Variants in PRORP observed in about 807,000 individuals in gnomAD.
The protein encoded by PRORP is mitochondrial ribonuclease P catalytic subunit.
Under a neutral mutation model 59.4 loss-of-function variants are expected in PRORP, and 51 were observed. The ratio of observed to expected loss-of-function variants is 0.86; its 90% CI spans 0.69 to 1.08. PRORP has a LOEUF of 1.08. PRORP is among the 50% of genes least tolerant of loss of function. The probability of loss-of-function intolerance (pLI) is 0.00; values close to 1 mark genes in which losing one functional copy is unlikely to be tolerated. For missense variants in PRORP, 646 were observed against 690.3 expected (o/e 0.94, Z 0.72); for synonymous variants, 231 against 245.6 (o/e 0.94, Z 0.55).
chr14:35,260,003 T>TTG (rs2050861909), intron 5 of PRORP, among the ~76,000 whole-genome samples: 1 of 145,556 alleles, frequency 6.9e-6, no homozygotes, highest in African/African-American at 2.5e-5. Flanking sequence ...GTTTTTTTTT[T>TTG]TTTTTTTTTT....
chr14:35,180,057 T>C (rs997267169), intron 4 of PRORP, among the ~76,000 whole-genome samples: 4 of 152,226 alleles, frequency 2.6e-5, no homozygotes, highest in Non-Finnish European at 5.9e-5. Flanking sequence ...CGAATATTGC[T>C]GAACAGCAAA....
chr14:35,206,492 G>A (rs2049298530), intron 5 of PRORP, among the ~76,000 whole-genome samples: 1 of 152,196 alleles, frequency 6.6e-6, no homozygotes, highest in Non-Finnish European at 1.5e-5. Context: ...GGTCTACTCT[G>A]TTCAAACCCA....
chr14:35,247,792 A>G (rs1160933958), intron 5 of PRORP, among the ~76,000 whole-genome samples: 5 of 152,146 alleles, frequency 3.3e-5, no homozygotes, highest in African/African-American at 9.7e-5. Context: ...CTTGCCTTAC[A>G]GGATAGGGAG....
chr14:35,235,376 G>A (rs762732746), intron 5 of PRORP: 354 of 701,592 alleles, frequency 5.0e-4, no homozygotes, highest in Non-Finnish European at 8.8e-4. Flanking sequence ...GTTGACAGTG[G>A]TGCAGGTCTT....
chr14:35,196,731 T>C (rs2049018793), intron 5 of PRORP, among the ~76,000 whole-genome samples: 1 of 152,132 alleles, frequency 6.6e-6, no homozygotes, highest in Admixed American at 6.5e-5. Context: ...TTGCCCTAGG[T>C]CAAACAGTGC....
chr14:35,171,898 C>T (rs2048320043), intron 4 of PRORP, among the ~76,000 whole-genome samples: 1 of 152,024 alleles, frequency 6.6e-6, no homozygotes, highest in African/African-American at 2.4e-5. Flanking sequence ...CTTTCTTCTG[C>T]CATCTCCAAT....
intron 4 of PRORP, among the ~76,000 whole-genome samples, chr14:35,142,670 GT>G (rs2047510189): frequency 1.4e-5 from 2 of 144,062 alleles, no homozygotes; most frequent in East Asian, 2.4e-4. Flanking sequence ...GGCAAAACCC[GT>G]TCTCTAATAA....
chr14:35,248,669 C>T (rs2050542061), intron 5 of PRORP, among the ~76,000 whole-genome samples: 1 of 152,244 alleles, frequency 6.6e-6, no homozygotes, highest in Non-Finnish European at 1.5e-5. Flanking sequence ...CCTCAAGCCA[C>T]AACTTTGTTA....
chr14:35,216,019 G>A (rs944360351), intron 5 of PRORP, among the ~76,000 whole-genome samples: 3 of 146,696 alleles, frequency 2.0e-5, no homozygotes, highest in Non-Finnish European at 3.0e-5. Context: ...CACCTGCCTC[G>A]GCCTCCCAAA....
chr14:35,262,951 C>T lies in PRORP; in HGVS notation c.1276-3776C>T, dbSNP rs1165640457. 1.8e-5 allele frequency: 28 copies of T among 1,597,720 alleles called. 1 individual carries two copies. The highest frequency in any genetic ancestry group is 6.7e-5 in the East Asian group (3 of 44,848). ...TTAGAGGCTTTGATTCAGCAAGCCA[C>T]GACAGTTAAAAACAAGGATATCAGG... On this transcript the variant is annotated intron_variant, in intron 5 of 7. Coordinates refer to ENST00000534898, the MANE Select transcript of PRORP (RefSeq NM_014672.4).
At chr14:35,149,511 CA>C (rs545177409) in intron 4 of PRORP, among the ~76,000 whole-genome samples, 42 of 152,294 alleles carry the variant, frequency 2.8e-4, no homozygotes, top group African/African-American at 1.0e-3. Context: ...CCATGACTGG[CA>C]CCTTGCATTT....
chr14:35,247,698 A>G lies in PRORP; in HGVS notation c.1276-19029A>G, dbSNP rs574426918. Among the ~76,000 whole-genome samples the G allele has an allele frequency of 5.3e-5, 8 of 152,306 alleles. No individual in the cohort carries two copies. In the East Asian group the frequency reaches 1.5e-3, roughly 29 times the overall value. On this transcript the variant is annotated intron_variant, in intron 5 of 7. Transcript: ENST00000534898. ...TAAACCTTTTGAGAGTGGAAATTTA[A>G]TCAAATTTTGATATTTCCATATCAA...
At chr14:35,229,585 C>T (rs556603209) in intron 5 of PRORP, among the ~76,000 whole-genome samples, 58 of 152,258 alleles carry the variant, frequency 3.8e-4, no homozygotes, top group African/African-American at 1.4e-3. Context: ...TTTAAAAGGG[C>T]ATGAAGATGT....
rs773092290 is a variant in PRORP at position 35,123,489 on chromosome 14, C to G, written c.244C>G (p.Pro82Ala). Residue 82 changes from proline to alanine, a missense_variant, in exon 2 of 8, where the codon CCT (proline) becomes GCT (alanine). Coordinates refer to ENST00000534898, the MANE Select transcript of PRORP (RefSeq NM_014672.4). ...EGSNKQVYSV[P>A]HFFLAGAAKE... ...CAGTAATAAGCAAGTTTATTCTGTT[C>G]CTCATTTTTTTTTAGCTGGAGCAGC... 1.2e-6 allele frequency: 2 copies of G among 1,614,122 alleles called. No homozygotes were observed. The highest frequency in any genetic ancestry group is 1.7e-5 in the Admixed American group (1 of 60,016).
chr14:35,251,494 GA>G (rs1193622828), intron 5 of PRORP, among the ~76,000 whole-genome samples: 1 of 151,988 alleles, frequency 6.6e-6, no homozygotes, highest in Non-Finnish European at 1.5e-5. Flanking sequence ...GAAAATTATC[GA>G]AGATAATTTC....
At chr14:35,183,812 T>C (rs1011415526) in intron 5 of PRORP, among the ~76,000 whole-genome samples, 2 of 152,158 alleles carry the variant, frequency 1.3e-5, no homozygotes, top group African/African-American at 4.8e-5. Context: ...GCTGGATGGT[T>C]TCTTCCCCAT....
At chr14:35,191,909 C>A (rs1168705045) in intron 5 of PRORP, among the ~76,000 whole-genome samples, 1 of 152,124 alleles carries the variant, frequency 6.6e-6, no homozygotes, top group Non-Finnish European at 1.5e-5. Flanking sequence ...TTGGTTTTAA[C>A]CCCAGTAGAC....
chr14:35,168,765 G>A (rs953543868), intron 4 of PRORP, among the ~76,000 whole-genome samples: 5 of 152,210 alleles, frequency 3.3e-5, no homozygotes, highest in South Asian at 2.1e-4. Flanking sequence ...AAGGACCCCC[G>A]TATGTGACTA....
At chr14:35,152,579 A>G (rs1479907095) in intron 4 of PRORP, among the ~76,000 whole-genome samples, 1 of 149,664 alleles carries the variant, frequency 6.7e-6, no homozygotes. Context: ...TCCCTCCCGG[A>G]CGGGGCGGCT....
Sources: allele counts gnomAD v4.1 joint callset (sites outside exome capture counted in the v4.1 genomes callset), GRCh38; gene constraint gnomAD v4.1.1; transcripts MANE v1.5; gene names NCBI Gene and HGNC (gene_info 2026-07-23, HGNC 2026-07-21).